PRKG1: variants seen among roughly 807,000 people sequenced by gnomAD.
The protein encoded by PRKG1 is protein kinase cGMP-dependent 1.
PRKG1 carries 35 observed loss-of-function variants against 88.1 expected under a neutral mutation model. That is an observed-to-expected ratio of 0.40 (90% CI 0.30 to 0.53). The LOEUF (loss-of-function observed/expected upper bound fraction) is 0.53, where lower values mean the gene tolerates loss of function less well. Among genes scored for constraint, PRKG1 ranks in the 20% least tolerant of loss-of-function variants. The pLI is 0.59. For missense variants in PRKG1, 540 were observed against 839.8 expected (o/e 0.64, Z 4.41); for synonymous variants, 303 against 292.5 (o/e 1.04, Z -0.37).
At chr10:51,778,268 C>T (rs1838492459) in intron 3 of PRKG1, among the ~76,000 whole-genome samples, 1 of 152,090 alleles carries the variant, frequency 6.6e-6, no homozygotes, top group Non-Finnish European at 1.5e-5. Context: ...TGATGTTTCT[C>T]CCATTAGGTC....
At chr10:51,414,531 A>G (rs772353759) in intron 2 of PRKG1, among the ~76,000 whole-genome samples, 28 of 152,220 alleles carry the variant, frequency 1.8e-4, no homozygotes, top group Non-Finnish European at 3.7e-4. Context: ...AATTGGAGTC[A>G]TTTTGGGGGA....
rs371721182 is a variant in PRKG1 at position 52,265,564 on chromosome 10, A to T, written c.1174-5786A>T. Among the ~76,000 whole-genome samples, 23 of 152,210 alleles carry T rather than the reference A, an allele frequency of 1.5e-4. No individual in the cohort carries two copies. The South Asian group carries it at 4.8e-3, about 32-fold the overall frequency. ...CTGAGCCAGTTTTAACCTTGCCTTG[A>T]TCATAATCTTCCTTCCCAATAAAGG... On this transcript the variant is annotated intron_variant, in intron 10 of 17. Coordinates refer to ENST00000373980, the MANE Select transcript of PRKG1 (RefSeq NM_006258.4).
chr10:52,286,758 T>C (rs1842126393), intron 14 of PRKG1, among the ~76,000 whole-genome samples: 1 of 151,924 alleles, frequency 6.6e-6, no homozygotes, highest in Non-Finnish European at 1.5e-5. Context: ...TAGAGAAATA[T>C]TTTAGGAATT....
chr10:51,792,458 C>T (rs1033227965), intron 3 of PRKG1, among the ~76,000 whole-genome samples: 1 of 152,036 alleles, frequency 6.6e-6, no homozygotes, highest in Non-Finnish European at 1.5e-5. Context: ...CCTCCATTAC[C>T]AGCTTTTCAT....
At chr10:51,931,405 G>C (rs927593493) in intron 5 of PRKG1, among the ~76,000 whole-genome samples, 6 of 152,098 alleles carry the variant, frequency 3.9e-5, no homozygotes, top group Non-Finnish European at 5.9e-5. Flanking sequence ...CTTGAAGCCA[G>C]GAGTTCAAGA....
intron 3 of PRKG1, among the ~76,000 whole-genome samples, chr10:51,756,048 G>A (rs549289023): frequency 1.8e-4 from 28 of 152,310 alleles, no homozygotes; most frequent in Non-Finnish European, 3.4e-4. Context: ...AAAAATGATA[G>A]GAGAAACATA....
chr10:52,139,726 G>A (rs1837524928), intron 8 of PRKG1, among the ~76,000 whole-genome samples: 1 of 152,072 alleles, frequency 6.6e-6, no homozygotes, highest in African/African-American at 2.4e-5. Context: ...AGCTCACCAA[G>A]GTGCATACTC....
chr10:52,059,289 G>A (rs760124214), intron 6 of PRKG1, among the ~76,000 whole-genome samples: 16 of 151,978 alleles, frequency 1.1e-4, no homozygotes, highest in Admixed American at 1.3e-4. Context: ...AACATTTACC[G>A]TATGACACAG....
At chr10:51,857,727 G>A (rs1840718743) in intron 4 of PRKG1, among the ~76,000 whole-genome samples, 1 of 151,926 alleles carries the variant, frequency 6.6e-6, no homozygotes. Flanking sequence ...TTTTTCTTTA[G>A]AGCCAGCCAG....
At chr10:51,389,565 A>C (rs1415995422) in intron 2 of PRKG1, among the ~76,000 whole-genome samples, 8 of 152,130 alleles carry the variant, frequency 5.3e-5, no homozygotes, top group Admixed American at 3.3e-4. Context: ...CTAGGTTTGC[A>C]CTTTCACCCT....
intron 5 of PRKG1, among the ~76,000 whole-genome samples, chr10:52,017,618 A>C (rs904063159): frequency 5.9e-5 from 9 of 152,190 alleles, no homozygotes; most frequent in Admixed American, 3.9e-4. Context: ...GATGGGATAT[A>C]GATAAAAAGT....
chr10:52,253,863 G>A (rs1336599286), intron 10 of PRKG1, among the ~76,000 whole-genome samples: 1 of 151,844 alleles, frequency 6.6e-6, no homozygotes, highest in East Asian at 1.9e-4. Flanking sequence ...TCGGGACGGA[G>A]TGCACGTCCT....
rs372980890 is a variant in PRKG1, at chr10:52,168,706, TA to T, written c.1076+6756del. Among the ~76,000 whole-genome samples, 669 of 139,190 alleles carry T rather than the reference TA, an allele frequency of 4.8e-3. 1 individual carries two copies. Among genetic ancestry groups the T allele is most frequent in the Middle Eastern group, 7.6e-3 (2 of 264 alleles). 91.3% of individuals were successfully genotyped at this position (139,190 alleles called of 152,430 possible). ...GGAATAGAGTGAGGACAATGTGATT[TA>T]AAAAAAAAAAAAGCATTTGAGAGAT... On this transcript the variant is annotated intron_variant, in intron 9 of 17. Transcript: ENST00000373980.
At chr10:51,633,986 C>T (rs1564582907) in intron 3 of PRKG1, among the ~76,000 whole-genome samples, 1 of 152,086 alleles carries the variant, frequency 6.6e-6, no homozygotes, top group Admixed American at 6.6e-5. Context: ...GCAGAACCCT[C>T]ATGTCAGGAT....
At chr10:52,291,411 C>G (rs1277580738) in intron 17 of PRKG1, among the ~76,000 whole-genome samples, 1 of 115,318 alleles carries the variant, frequency 8.7e-6, no homozygotes, top group African/African-American at 3.3e-5. Context: ...CCCCCTCCCC[C>G]CACCCCACAA....
intron 9 of PRKG1, among the ~76,000 whole-genome samples, chr10:52,176,173 C>CTTTTTTTTTTTT (rs140722137): frequency 1.0e-5 from 1 of 95,674 alleles, no homozygotes; most frequent in Non-Finnish European, 2.0e-5. Flanking sequence ...TTCTTTTTCT[C>CTTTTTTTTTTTT]TTTTTTTTTT....
At chr10:51,639,163 G>A (rs1839730846) in intron 3 of PRKG1, among the ~76,000 whole-genome samples, 2 of 151,900 alleles carry the variant, frequency 1.3e-5, no homozygotes, top group African/African-American at 2.4e-5. Context: ...GGCTGGGCAC[G>A]GTGGCTCACA....
chr10:51,863,534 C>G (rs1003734810), intron 4 of PRKG1, among the ~76,000 whole-genome samples: 1 of 152,116 alleles, frequency 6.6e-6, no homozygotes, highest in Admixed American at 6.5e-5. Context: ...ATGTGTCCCC[C>G]CAAAAGCAGA....
intron 5 of PRKG1, among the ~76,000 whole-genome samples, chr10:51,940,596 A>C (rs1207562488): frequency 6.6e-6 from 1 of 151,876 alleles, no homozygotes; most frequent in Admixed American, 6.6e-5. Context: ...GATATTTTTC[A>C]CCAAAGCTGA....
Sources: allele counts gnomAD v4.1 joint callset (sites outside exome capture counted in the v4.1 genomes callset), GRCh38; gene constraint gnomAD v4.1.1; transcripts MANE v1.5; gene names NCBI Gene and HGNC (gene_info 2026-07-23, HGNC 2026-07-21).